The following KCNAB2 variants were observed in gnomAD, a reference collection of about 807,000 sequenced individuals.
KCNAB2 encodes potassium voltage-gated channel subfamily A regulatory beta subunit 2.
A neutral mutation model predicts 63.6 loss-of-function variants in KCNAB2; 29 were observed. The observed-to-expected ratio is 0.46, with a 90% CI of 0.34 to 0.62. KCNAB2 has a LOEUF of 0.62. Among genes scored for constraint, KCNAB2 ranks in the 20% least tolerant of loss-of-function variants. KCNAB2 has a pLI of 0.01. For synonymous variants in KCNAB2, 222 were observed against 224.2 expected, an observed-to-expected ratio of 0.99 and a Z score of 0.09; for missense variants, 359 against 563.9, an observed-to-expected ratio of 0.64 and a Z score of 3.68.
At chr1:6,040,463 T>C (rs1460252259) in intron 1 of KCNAB2, 6 of 985,126 alleles carry the variant, frequency 6.1e-6, no homozygotes, top group Non-Finnish European at 9.7e-6. Flanking sequence ...CAAACCTGGT[T>C]GATCTTTTTT....
chr1:6,099,858 C>T lies in KCNAB2; in HGVS notation c.*1284C>T, dbSNP rs777272610. 20 of 1,547,978 alleles carry T rather than the reference C, an allele frequency of 1.3e-5. No individual in the cohort carries two copies. The highest frequency in any genetic ancestry group is 2.4e-5 in the East Asian group (1 of 40,922). On this transcript the variant is annotated 3_prime_UTR_variant, in exon 16 of 16. Coordinates refer to ENST00000378083, the MANE Select transcript of KCNAB2 (RefSeq NM_001199862.2). ...GAGAGGGCAGGACAGGCCAGAGTGA[C>T]GCCCCCGTGCAGCTTGGGCCGGAGG...
At chr1:6,093,538 A>T (rs759021582) in intron 10 of KCNAB2, among the ~76,000 whole-genome samples, 1 of 152,250 alleles carries the variant, frequency 6.6e-6, no homozygotes, top group Non-Finnish European at 1.5e-5. Context: ...TTAAAAGGCC[A>T]GCGTGAAGTC....
In KCNAB2 at chr1:6,096,595, C is replaced by T. The variant is rs1665658578; in HGVS notation, c.949-41C>T. ...TGCACGTGGGGGTCCAGGTGACCTG[C>T]TCTCATCTGTAGCTGTGCTGCTCCC... On this transcript the variant is annotated intron_variant, in intron 13 of 15. Coordinates refer to ENST00000378083, the MANE Select transcript of KCNAB2 (RefSeq NM_001199862.2). The surrounding 1 kb of genome is among the most constrained non-coding windows in gnomAD (Gnocchi z 5.9). 6.3e-7 allele frequency: 1 copy of T among 1,591,626 alleles called. No homozygotes were observed. Among genetic ancestry groups the T allele is most frequent in the Non-Finnish European group, 8.6e-7 (1 of 1,167,508 alleles).
At chr1:6,081,324 T>A (rs532674517) in intron 4 of KCNAB2, among the ~76,000 whole-genome samples, 1 of 152,246 alleles carries the variant, frequency 6.6e-6, no homozygotes, top group African/African-American at 2.4e-5. Context: ...AGCTGTGGGA[T>A]GTCAGTTGCT....
Position 6,073,955 on chromosome 1 carries a change from T to C in KCNAB2, c.300+185T>C, listed in dbSNP as rs1663447161. On this transcript the variant is annotated intron_variant, in intron 4 of 15. Coordinates refer to ENST00000378083, the MANE Select transcript of KCNAB2 (RefSeq NM_001199862.2). This position sits in a 1 kb window ranked among gnomAD's most constrained non-coding sequence, Gnocchi z 5.7. ...AGTAGAAAGGTGAGCCAGGTGGCCA[T>C]GGCCAGAGGGGATGCCGAGTCTGGT... The C allele has an allele frequency of 3.2e-6, 2 of 618,106 alleles. No individual in the cohort carries two copies. The highest frequency in any genetic ancestry group is 1.9e-5 in the South Asian group (1 of 52,876). 38.3% of individuals were successfully genotyped at this position (618,106 alleles called of 1,614,324 possible).
intron 1 of KCNAB2, among the ~76,000 whole-genome samples, chr1:6,049,905 GC>G (rs1467487969): frequency 6.6e-6 from 1 of 152,214 alleles, no homozygotes; most frequent in Non-Finnish European, 1.5e-5. Context: ...CCTGGAGGTG[GC>G]CCCCCTCTCT....
intron 13 of KCNAB2, 139 bp downstream of exon 13, chr1:6,095,763 G>T (rs1665567928): frequency 2.6e-6 from 2 of 768,944 alleles, no homozygotes; most frequent in Non-Finnish European, 4.3e-6. Flanking sequence ...CTGGGGGCGG[G>T]CTCCTTGGCG....
intron 1 of KCNAB2, among the ~76,000 whole-genome samples, chr1:6,018,419 A>T: frequency 6.6e-6 from 1 of 151,872 alleles, no homozygotes; most frequent in East Asian, 1.9e-4. Context: ...CCTCAATGTG[A>T]TGGTATTAAG....
intron 8 of KCNAB2, 93 bp downstream of exon 8, chr1:6,089,144 G>T: frequency 7.5e-7 from 1 of 1,339,496 alleles, no homozygotes; most frequent in African/African-American, 1.4e-5. Context: ...GACCCCCCCA[G>T]TTAACCCACT....
chr1:6,045,858 T>G (rs773678396), upstream of KCNAB2: 1 of 981,896 alleles, frequency 1.0e-6, no homozygotes, highest in Non-Finnish European at 1.2e-6. The surrounding 1 kb of genome is among the most constrained non-coding windows in gnomAD (Gnocchi z 4.8). Flanking sequence ...CCCCCTCACC[T>G]TGGGCTGCAC....
chr1:6,014,384 C>T (rs1658365017), intron 1 of KCNAB2, among the ~76,000 whole-genome samples: 1 of 152,224 alleles, frequency 6.6e-6, no homozygotes, highest in African/African-American at 2.4e-5. Flanking sequence ...AGCACCACGT[C>T]GGACAGTGTT....
rs1444103589 is a variant in KCNAB2 at position 6,098,852 on chromosome 1, A to G, written c.*278A>G. 3 of 317,782 alleles carry G rather than the reference A, an allele frequency of 9.4e-6. No homozygotes were observed. The highest frequency in any genetic ancestry group is 1.7e-5 in the Non-Finnish European group (3 of 172,646). 19.7% of individuals were successfully genotyped at this position (317,782 alleles called of 1,614,324 possible). A position where few individuals can be genotyped will look rare whatever the true frequency, so the allele number is the denominator to read the frequency against. On this transcript the variant is annotated 3_prime_UTR_variant, in exon 16 of 16. Coordinates refer to ENST00000378083, the MANE Select transcript of KCNAB2 (RefSeq NM_001199862.2). ...CTGTCACCTCTGCTCATCCTCCAAGACCACCCAGCTTTCTCCCAGCCACAG... is the reference window on the plus strand; with the variant it reads ...CTGTCACCTCTGCTCATCCTCCAAGGCCACCCAGCTTTCTCCCAGCCACAG...
At chr1:6,005,704 C>A (rs954333579) in intron 1 of KCNAB2, among the ~76,000 whole-genome samples, 7 of 151,924 alleles carry the variant, frequency 4.6e-5, no homozygotes, top group Non-Finnish European at 1.0e-4. Context: ...CTTTTCCCAG[C>A]GGTCACTGTG....
At chr1:6,083,903 T>C (rs1250358052) in intron 5 of KCNAB2, among the ~76,000 whole-genome samples, 2 of 152,242 alleles carry the variant, frequency 1.3e-5, no homozygotes, top group East Asian at 3.8e-4. Flanking sequence ...GCCACAGGCT[T>C]AGATAACTCA....
intron 5 of KCNAB2, among the ~76,000 whole-genome samples, 162 bp from the exon 6 acceptor site, chr1:6,085,042 T>C (rs571018995): frequency 1.3e-5 from 2 of 152,316 alleles, no homozygotes; most frequent in South Asian, 2.1e-4. Context: ...GGGCCAACCC[T>C]GTCTGTGGAA....
intron 1 of KCNAB2, chr1:5,992,891 T>A (rs1219593323): frequency 1.3e-5 from 2 of 152,126 alleles, no homozygotes; most frequent in African/African-American, 4.8e-5. Flanking sequence ...GGCGCCGCGG[T>A]CCCGTCTCCA....
At chr1:6,062,278 C>T (rs1051937835) in intron 2 of KCNAB2, among the ~76,000 whole-genome samples, 16 of 151,388 alleles carry the variant, frequency 1.1e-4, no homozygotes, top group African/African-American at 3.6e-4. Flanking sequence ...TGCACCATTG[C>T]TCTCCAGCCT....
At chr1:6,007,110 C>G (rs544278005) in intron 1 of KCNAB2, among the ~76,000 whole-genome samples, 74 of 152,286 alleles carry the variant, frequency 4.9e-4, no homozygotes, top group Middle Eastern at 3.4e-3. Flanking sequence ...CTCTCCGAGG[C>G]TGCCATAGAG....
chr1:6,093,833 G>A (rs1014597276), intron 10 of KCNAB2, among the ~76,000 whole-genome samples: 14 of 152,144 alleles, frequency 9.2e-5, no homozygotes, highest in South Asian at 4.1e-4. Context: ...GCTCAGCCCC[G>A]AAGCCCTATT....
Sources: gnomAD v4.1 joint callset for allele counts (sites outside exome capture counted in the v4.1 genomes callset) on GRCh38, gnomAD v4.1.1 for gene constraint, Gnocchi (gnomAD v3.1) non-coding constraint, MANE v1.5 for transcripts, NCBI Gene and HGNC (gene_info 2026-07-23, HGNC 2026-07-21) for gene names.